The following CLUAP1 variants were observed in gnomAD, a reference collection of about 807,000 sequenced individuals.
CLUAP1 encodes the protein clusterin-associated protein 1.
In CLUAP1, 50 loss-of-function variants were observed where a neutral mutation model predicts 55.0. The observed-to-expected ratio is 0.91, with a 90% CI of 0.72 to 1.15. The LOEUF is 1.15. Ranked by LOEUF, CLUAP1 falls within the 50% of genes most tolerant of loss-of-function variation. The pLI is 0.00. For synonymous variants in CLUAP1, 195 were observed against 175.4 expected (o/e 1.11, Z -0.88); for missense variants, 530 against 507.6 (o/e 1.04, Z -0.42).
At chr16:3,507,688 G>T (rs1314032297) in intron 3 of CLUAP1, among the ~76,000 whole-genome samples, 1 of 133,372 alleles carries the variant, frequency 7.5e-6, no homozygotes, top group African/African-American at 3.0e-5. Context: ...GTTTGTGTGT[G>T]TGTGTGTGTG....
intron 4 of CLUAP1, among the ~76,000 whole-genome samples, chr16:3,511,812 G>A (rs2037631153): frequency 6.6e-6 from 1 of 152,178 alleles, no homozygotes; most frequent in South Asian, 2.1e-4. Flanking sequence ...CATGTAACTG[G>A]GGAAGCACAT....
chr16:3,507,187 C>T (rs974746944), intron 3 of CLUAP1, among the ~76,000 whole-genome samples: 2 of 147,824 alleles, frequency 1.4e-5, no homozygotes, highest in Non-Finnish European at 3.0e-5. Context: ...CAGAGCAAGA[C>T]TCTGTCTTAA....
chr16:3,503,365 G>C (rs1202211814), intron 1 of CLUAP1, among the ~76,000 whole-genome samples: 1 of 152,052 alleles, frequency 6.6e-6, no homozygotes, highest in Non-Finnish European at 1.5e-5. Flanking sequence ...GGGTTTCACC[G>C]TGTTAGCCAG....
rs547897183 is a variant in CLUAP1 at position 3,515,695 on chromosome 16, A to T, written c.579+104A>T. On this transcript the variant is annotated intron_variant, in intron 6 of 11. Coordinates refer to ENST00000576634, the MANE Select transcript of CLUAP1 (RefSeq NM_015041.3). ...AACAAGCTAGGCTTAGTAACAAGGG[A>T]TGTGTTAGTGGGGAAATGAAAAACT... 229 of 677,340 alleles carry T rather than the reference A, an allele frequency of 3.4e-4. 1 individual carries two copies. Among genetic ancestry groups the T allele is most frequent in the South Asian group, 2.8e-3 (112 of 39,726 alleles). 42.0% of individuals were successfully genotyped at this position (677,340 alleles called of 1,614,324 possible). A position where few individuals can be genotyped will look rare whatever the true frequency, so the allele number is the denominator to read the frequency against.
chr16:3,513,102 C>T (rs1262931816), intron 5 of CLUAP1, among the ~76,000 whole-genome samples: 4 of 152,176 alleles, frequency 2.6e-5, no homozygotes, highest in Admixed American at 2.0e-4. Flanking sequence ...TACTCTGCTT[C>T]AGCATTTTCT....
In CLUAP1 at chr16:3,530,666, C is replaced by G; in HGVS notation, c.1027C>G (p.Leu343Val). ...LPKPQTAMEM[L>V]MQGRPGKRIV... Reference sequence around the variant, plus strand: ...CAAGCCACAGACAGCCATGGAGATGCTCATGCAAGGTACCCCGGCGTCTTT... The same window carrying G: ...CAAGCCACAGACAGCCATGGAGATGGTCATGCAAGGTACCCCGGCGTCTTT... Residue 343 changes from leucine to valine, a missense_variant, in exon 10 of 12, where the codon CTC (leucine) becomes GTC (valine). Physicochemically the swap from Leu to Val is conservative, Grantham distance 32 (BLOSUM62 1). Coordinates refer to ENST00000576634, the MANE Select transcript of CLUAP1 (RefSeq NM_015041.3). 6.2e-7 allele frequency: 1 copy of G among 1,613,656 alleles called. No individual in the cohort carries two copies. Among genetic ancestry groups the G allele is most frequent in the Non-Finnish European group, 8.5e-7 (1 of 1,179,666 alleles).
chr16:3,505,115 C>T (rs1359334133), intron 2 of CLUAP1, among the ~76,000 whole-genome samples: 1 of 152,134 alleles, frequency 6.6e-6, no homozygotes, highest in Non-Finnish European at 1.5e-5. Flanking sequence ...GGTACACACT[C>T]ATAGTTCCAG....
Position 3,508,401 on chromosome 16 carries a change from A to C in CLUAP1, c.332A>C (p.Lys111Thr). ...GTCCTTTATAATGCTATGAAGACCA[A>C]GGGGATGGAGGGCTCTGAAATAGTA... ...TSVLYNAMKT[K>T]GMEGSEIVEE... The change falls in exon 4 of 12, where the codon AAG (lysine) becomes ACG (threonine). Residue 111 changes from lysine (K) to threonine (T), a missense_variant. By Grantham distance (78) the Lys-to-Thr change is moderately conservative. Coordinates refer to ENST00000576634, the MANE Select transcript of CLUAP1 (RefSeq NM_015041.3). 6.3e-7 allele frequency: 1 copy of C among 1,598,990 alleles called. No homozygotes were observed. The highest frequency in any genetic ancestry group is 8.5e-7 in the Non-Finnish European group (1 of 1,176,464).
At chr16:3,505,978 A>C (rs1411948086) in intron 2 of CLUAP1, among the ~76,000 whole-genome samples, 4 of 152,190 alleles carry the variant, frequency 2.6e-5, no homozygotes, top group African/African-American at 7.2e-5. Flanking sequence ...TAACTTCACC[A>C]ACTCTGCTGC....
intron 5 of CLUAP1, among the ~76,000 whole-genome samples, chr16:3,514,091 C>G (rs114243123): frequency 0.034 from 5,201 of 152,312 alleles, 249 homozygotes; most frequent in African/African-American, 0.1. Flanking sequence ...TACCTCCAGG[C>G]TTTCCCCTGT....
Position 3,526,791 on chromosome 16 carries a change from T to G in CLUAP1, c.928+307T>G, listed in dbSNP as rs2037953271. Among the ~76,000 whole-genome samples, 4 of 152,306 alleles carry G rather than the reference T, an allele frequency of 2.6e-5. No homozygotes were observed. The South Asian group carries it at 8.3e-4, about 32-fold the overall frequency. On this transcript the variant is annotated intron_variant, in intron 9 of 11. Coordinates refer to ENST00000576634, the MANE Select transcript of CLUAP1 (RefSeq NM_015041.3). Reference sequence around the variant, plus strand: ...TAGCATTTAAAACACATTTCGTTCTTGTGCCAGTTAAGATAGTGTTTTCCC... The same window carrying G: ...TAGCATTTAAAACACATTTCGTTCTGGTGCCAGTTAAGATAGTGTTTTCCC...
At chr16:3,506,545 C>G (rs1457983023) in intron 3 of CLUAP1, 130 bp downstream of exon 3, 12 of 728,246 alleles carry the variant, frequency 1.6e-5, no homozygotes, top group Non-Finnish European at 2.3e-5. Context: ...GTCTCATTCT[C>G]TCGCCCAGGC....
intron 10 of CLUAP1, among the ~76,000 whole-genome samples, chr16:3,531,153 G>A (rs2038108531): frequency 1.3e-5 from 2 of 152,158 alleles, no homozygotes; most frequent in African/African-American, 2.4e-5. Context: ...CTAGGAGCTC[G>A]GAGCTGTAGT....
At position 3,501,008 on chromosome 16, in the gene CLUAP1, G is replaced by T; in HGVS notation, c.-60G>T. Reference sequence around the variant, plus strand: ...TTGCCATAGAGATCGTCGAGCGCTGGGCCTGTGATCGCTGAGGGGCGAGCA... The same window carrying T: ...TTGCCATAGAGATCGTCGAGCGCTGTGCCTGTGATCGCTGAGGGGCGAGCA... On this transcript the variant is annotated 5_prime_UTR_variant, in exon 1 of 12. Transcript: ENST00000576634. 6.4e-7 allele frequency: 1 copy of T among 1,556,750 alleles called. No individual in the cohort carries two copies. Among genetic ancestry groups the T allele is most frequent in the African/African-American group, 1.4e-5 (1 of 73,794 alleles).
chr16:3,529,928 ATAAT>A (rs1408742476), intron 9 of CLUAP1, among the ~76,000 whole-genome samples: 1 of 120,198 alleles, frequency 8.3e-6, no homozygotes, highest in Non-Finnish European at 1.6e-5. Context: ...ATTATTATAT[ATAAT>A]AATATATGAC....
intron 1 of CLUAP1, among the ~76,000 whole-genome samples, chr16:3,501,814 A>G (rs1421708025): frequency 6.6e-6 from 1 of 152,082 alleles, no homozygotes; most frequent in Non-Finnish European, 1.5e-5. Context: ...CAGCAACGAA[A>G]CCGAGGAGAG....
intron 1 of CLUAP1, among the ~76,000 whole-genome samples, chr16:3,503,587 G>A (rs901219754): frequency 6.7e-6 from 1 of 149,920 alleles, no homozygotes; most frequent in Non-Finnish European, 1.5e-5. Flanking sequence ...TGAACCACCC[G>A]CGCCTGGCCT....
intron 4 of CLUAP1, among the ~76,000 whole-genome samples, chr16:3,511,781 G>A (rs773769991): frequency 7.9e-5 from 12 of 152,192 alleles, no homozygotes; most frequent in Admixed American, 7.2e-4. Flanking sequence ...TTTCCTGAGC[G>A]TGTGTCCCGC....
At position 3,538,251 on chromosome 16, in the gene CLUAP1, G is replaced by T. The variant is rs912573783; in HGVS notation, c.*1980G>T. 4 of 151,404 alleles carry T rather than the reference G, an allele frequency of 2.6e-5. No homozygotes were observed. Among genetic ancestry groups the T allele is most frequent in the African/African-American group, 9.7e-5 (4 of 41,190 alleles). 9.4% of individuals were successfully genotyped at this position (151,404 alleles called of 1,614,324 possible). On this transcript the variant is annotated 3_prime_UTR_variant, in exon 12 of 12. Transcript: ENST00000576634. Reference sequence around the variant, plus strand: ...ATACACATAAATTTTAGGAACTTTTGAGTTATTTCTGTCATTTTTGCTTTT... The same window carrying T: ...ATACACATAAATTTTAGGAACTTTTTAGTTATTTCTGTCATTTTTGCTTTT...
Sources: allele counts gnomAD v4.1 joint callset (sites outside exome capture counted in the v4.1 genomes callset), GRCh38; gene constraint gnomAD v4.1.1; transcripts MANE v1.5; gene names NCBI Gene and HGNC (gene_info 2026-07-23, HGNC 2026-07-21).